Variants in SLC26A8 observed in about 807,000 individuals in gnomAD.
The protein encoded by SLC26A8 is testis anion transporter 1.
A neutral mutation model predicts 105.0 loss-of-function variants in SLC26A8; 70 were observed. That is an observed-to-expected ratio of 0.67 (90% CI 0.55 to 0.81). SLC26A8 has a LOEUF of 0.81. SLC26A8 is among the 40% of genes least tolerant of loss of function. The probability of loss-of-function intolerance (pLI) is 0.00; values close to 1 mark genes in which losing one functional copy is unlikely to be tolerated. For synonymous variants in SLC26A8, 415 were observed against 438.3 expected (o/e 0.95, Z 0.66); for missense variants, 998 against 1,181.8 (o/e 0.84, Z 2.28).
At chr6:35,975,554 G>C in intron 9 of SLC26A8, 66 bp from the exon 10 acceptor site, 1 of 882,786 alleles carries the variant, frequency 1.1e-6, no homozygotes, top group Non-Finnish European at 1.8e-6. Flanking sequence ...TTGAGTTGAA[G>C]GCATATGGTT....
chr6:36,021,343 C>T (rs1463033010), intron 1 of SLC26A8, among the ~76,000 whole-genome samples: 1 of 151,602 alleles, frequency 6.6e-6, no homozygotes, highest in Non-Finnish European at 1.5e-5. Context: ...CCTTTCTTTC[C>T]CCACCCATAG....
intron 11 of SLC26A8, among the ~76,000 whole-genome samples, chr6:35,964,936 C>T (rs1230849513): frequency 6.9e-6 from 1 of 145,968 alleles, no homozygotes; most frequent in South Asian, 2.1e-4. Flanking sequence ...CACCGCTCTC[C>T]AGTCTGGGCA....
At chr6:35,993,780 C>A (rs903394487) in intron 5 of SLC26A8, among the ~76,000 whole-genome samples, 1 of 152,074 alleles carries the variant, frequency 6.6e-6, no homozygotes, top group African/African-American at 2.4e-5. Flanking sequence ...AATCTCAGCA[C>A]TTTGGGAGGC....
At chr6:35,947,320 C>T (rs1325696479) in intron 19 of SLC26A8, among the ~76,000 whole-genome samples, 3 of 152,102 alleles carry the variant, frequency 2.0e-5, no homozygotes, top group African/African-American at 7.2e-5. Flanking sequence ...CATGAGCCAC[C>T]ACACTTGGCC....
intron 3 of SLC26A8, among the ~76,000 whole-genome samples, chr6:36,011,474 A>G (rs1343279785): frequency 6.6e-6 from 1 of 152,224 alleles, no homozygotes; most frequent in Non-Finnish European, 1.5e-5. Context: ...TTTAAAGCCC[A>G]GATAAGCTCC....
intron 7 of SLC26A8, among the ~76,000 whole-genome samples, chr6:35,990,848 A>G (rs537308706): frequency 6.6e-6 from 1 of 152,192 alleles, no homozygotes; most frequent in Non-Finnish European, 1.5e-5. Flanking sequence ...ACTTTTTTAA[A>G]CTTCCTTATG....
intron 11 of SLC26A8, among the ~76,000 whole-genome samples, chr6:35,964,262 G>C (rs1772416794): frequency 6.6e-6 from 1 of 152,144 alleles, no homozygotes; most frequent in Non-Finnish European, 1.5e-5. Flanking sequence ...TGTTGAAATA[G>C]GGTGGTGCCC....
intron 5 of SLC26A8, among the ~76,000 whole-genome samples, chr6:35,997,151 C>A (rs1226155442): frequency 6.6e-6 from 1 of 152,070 alleles, no homozygotes; most frequent in African/African-American, 2.4e-5. Context: ...TGGTTTGTGG[C>A]CTGTTAGGAA....
rs1445799985 is a variant in SLC26A8 at position 35,955,190 on chromosome 6, GTAC to G, written c.2191_2193del (p.Val731del). ...ACTAACCCCCGTGAATCCACGTAGT[GTAC>G]CATGGAGAAATCCAGGATGATGGTG... On this transcript the variant is annotated inframe_deletion, in exon 17 of 20. Coordinates refer to ENST00000490799, the MANE Select transcript of SLC26A8 (RefSeq NM_052961.4). 6.2e-7 allele frequency: 1 copy of G among 1,614,166 alleles called. No homozygotes were observed. Among genetic ancestry groups the G allele is most frequent in the East Asian group, 2.2e-5 (1 of 44,874 alleles).
At chr6:36,023,525 C>T (rs1251799585) in intron 1 of SLC26A8, among the ~76,000 whole-genome samples, 4 of 126,648 alleles carry the variant, frequency 3.2e-5, no homozygotes, top group East Asian at 2.2e-4. Flanking sequence ...CCAGCCTGGG[C>T]GACAGAGCAA....
At chr6:35,954,810 T>C in intron 17 of SLC26A8, 1 of 262,052 alleles carries the variant, frequency 3.8e-6, no homozygotes, top group Non-Finnish European at 7.5e-6. Context: ...CAGGGCGTAG[T>C]GACACATGCC....
chr6:35,954,882 T>C, intron 17 of SLC26A8: 1 of 346,212 alleles, frequency 2.9e-6, no homozygotes, highest in Non-Finnish European at 5.5e-6. Flanking sequence ...GAGGTGGAGG[T>C]TGCAGTGAGC....
At position 36,024,429 on chromosome 6, in the gene SLC26A8, T is replaced by C. The variant is rs554699754; in HGVS notation, c.-3+75A>G. 1.7e-3 allele frequency: 757 copies of C among 450,560 alleles called. 15 individuals carry two copies. The highest frequency in any genetic ancestry group is 0.011 in the South Asian group (732 of 64,370). The allele number at this position is 450,560 out of a possible 1,614,324, so 27.9% of individuals were successfully genotyped here. The stretch of plus-strand genomic sequence containing the variant: ...TGGCTCTGCGGCATACCTGGGTACC[T>C]GCCGGTGACGGACGCAGCCCCCGCC... On this transcript the variant is annotated intron_variant, in intron 1 of 19. Transcript: ENST00000490799.
Position 35,951,225 on chromosome 6 carries a change from A to G in SLC26A8, c.2410T>C (p.Ser804Pro), listed in dbSNP as rs776488829. 36 of 1,614,032 alleles carry G rather than the reference A, an allele frequency of 2.2e-5. No homozygotes were observed. In the African/African-American group the frequency reaches 4.3e-4, roughly 19 times the overall value. ...FALSRKVIGSSELSIDESETV... is the reference protein window; with the variant it reads ...FALSRKVIGSPELSIDESETV... ...TCGGATTCATCGATGCTTAACTCAG[A>G]GGAGCCTATGACCTTCCTTGACAAG... is the stretch of plus-strand genomic sequence containing the variant. Residue 804 changes from serine (S) to proline (P), a missense_variant, in exon 19 of 20, where the codon TCT becomes CCT. Coordinates refer to ENST00000490799, the MANE Select transcript of SLC26A8 (RefSeq NM_052961.4).
chr6:35,958,683 G>T (rs1256020926), intron 16 of SLC26A8, among the ~76,000 whole-genome samples: 1 of 152,052 alleles, frequency 6.6e-6, no homozygotes, highest in Non-Finnish European at 1.5e-5. Context: ...GATGCTCAGG[G>T]TTTTGCAAGC....
chr6:35,957,505 T>C (rs1380860452), intron 16 of SLC26A8, among the ~76,000 whole-genome samples: 1 of 152,076 alleles, frequency 6.6e-6, no homozygotes, highest in Non-Finnish European at 1.5e-5. Context: ...TTCCCAAGGC[T>C]TGAGGTCACT....
In SLC26A8 at chr6:36,023,783, C is replaced by T. The variant is rs558778162; in HGVS notation, c.-3+721G>A. Among the ~76,000 whole-genome samples the T allele has an allele frequency of 2.0e-5, 3 of 152,174 alleles. No homozygotes were observed. The East Asian group carries it at 5.8e-4, about 29-fold the overall frequency. On this transcript the variant is annotated intron_variant, in intron 1 of 19. Coordinates refer to ENST00000490799, the MANE Select transcript of SLC26A8 (RefSeq NM_052961.4). ...AGAAACAACCCTACACCTGTTACTA[C>T]CTAGGTTTTTATGGAGAATGTATTG...
intron 17 of SLC26A8, among the ~76,000 whole-genome samples, chr6:35,953,438 G>A (rs1771948502): frequency 6.6e-6 from 1 of 152,192 alleles, no homozygotes; most frequent in South Asian, 2.1e-4. Flanking sequence ...GACTCTTAGG[G>A]GAAAGTATGG....
At chr6:35,995,023 A>G (rs1761313481) in intron 5 of SLC26A8, among the ~76,000 whole-genome samples, 1 of 152,158 alleles carries the variant, frequency 6.6e-6, no homozygotes, top group South Asian at 2.1e-4. Context: ...AACTCTTTGA[A>G]CCTCAGTTTC....
Sources: allele counts gnomAD v4.1 joint callset (sites outside exome capture counted in the v4.1 genomes callset), GRCh38; gene constraint gnomAD v4.1.1; transcripts MANE v1.5; gene names NCBI Gene and HGNC (gene_info 2026-07-23, HGNC 2026-07-21).